GPR108: variants seen among roughly 807,000 people sequenced by gnomAD.
The protein encoded by GPR108 is G protein-coupled receptor 108.
A neutral mutation model predicts 74.3 loss-of-function variants in GPR108; 60 were observed. The observed-to-expected ratio is 0.81, with a 90% CI of 0.66 to 1.00. GPR108 has a LOEUF of 1.00. GPR108 is among the 50% of genes least tolerant of loss of function. The pLI is 0.00. For missense variants in GPR108, 667 were observed against 703.3 expected, an observed-to-expected ratio of 0.95 and a Z score of 0.58; for synonymous variants, 311 against 292.4, an observed-to-expected ratio of 1.06 and a Z score of -0.65.
rs772952950 is a variant in GPR108 at position 6,731,298 on chromosome 19, C to G, written c.1351-16G>C. ...AGCAGATGACCTGCAGGGGCGCGAG[C>G]AGGCGTGGGGCCAGGACTGTAGGGG... On this transcript the variant is annotated splice_polypyrimidine_tract_variant and intron_variant, in intron 15 of 17. Coordinates refer to ENST00000264080, the MANE Select transcript of GPR108 (RefSeq NM_001080452.2). The G allele has an allele frequency of 1.3e-6, 2 of 1,541,514 alleles. No individual in the cohort carries two copies. The highest frequency in any genetic ancestry group is 2.7e-5 in the African/African-American group (2 of 72,842).
At position 6,734,228 on chromosome 19, in the gene GPR108, C is replaced by T. The variant is rs745989346; in HGVS notation, c.454G>A (p.Gly152Arg). The change falls in exon 5 of 18, where the codon GGG (glycine) becomes AGG (arginine). Residue 152 changes from glycine to arginine, a missense_variant. By Grantham distance (125) the Gly-to-Arg change is moderately radical (BLOSUM62 -2). Coordinates refer to ENST00000264080, the MANE Select transcript of GPR108 (RefSeq NM_001080452.2). ...ACTGTGGCCTGTGGCTTCGGGAGCC[C>T]TGGTTTGGAGGGTGCTTCCGGGAGG... ...GLLPEAPSKP[G>R]LPKPQATVPR... 24 of 1,614,192 alleles carry T rather than the reference C, an allele frequency of 1.5e-5. No individual in the cohort carries two copies. The highest frequency in any genetic ancestry group is 1.9e-5 in the Non-Finnish European group (23 of 1,180,038).
intron 4 of GPR108, among the ~76,000 whole-genome samples, chr19:6,734,675 G>A (rs1252581634): frequency 6.6e-6 from 1 of 152,082 alleles, no homozygotes; most frequent in African/African-American, 2.4e-5. Flanking sequence ...AGGAGCAGAT[G>A]GAACCACAGG....
chr19:6,733,074 G>A lies in GPR108; in HGVS notation c.858-12C>T, dbSNP rs1385431700. 63 of 1,613,718 alleles carry A rather than the reference G, an allele frequency of 3.9e-5. No homozygotes were observed. Among genetic ancestry groups the A allele is most frequent in the Non-Finnish European group, 5.3e-5 (62 of 1,179,930 alleles). On this transcript the variant is annotated splice_polypyrimidine_tract_variant and intron_variant, in intron 9 of 17. Coordinates refer to ENST00000264080, the MANE Select transcript of GPR108 (RefSeq NM_001080452.2). ...TGAAGACGCTGTACCTGGTGGGAGG[G>A]TCAGGGAGAGATGGGGGTGCGGGGC...
chr19:6,733,968 G>T, intron 6 of GPR108, 37 bp downstream of exon 6: 1 of 1,614,142 alleles, frequency 6.2e-7, no homozygotes, highest in Admixed American at 1.7e-5. Context: ...AGGGCCCTGG[G>T]GTGTGCATCT....
intron 12 of GPR108, 50 bp from the exon 13 acceptor site, chr19:6,732,205 G>A: frequency 6.2e-7 from 1 of 1,612,138 alleles, no homozygotes; most frequent in Non-Finnish European, 8.5e-7. Context: ...GCTCCCCTTT[G>A]CCCCCACTGC....
chr19:6,734,648 C>T (rs1247157410), intron 4 of GPR108, among the ~76,000 whole-genome samples: 1 of 152,120 alleles, frequency 6.6e-6, no homozygotes, highest in Non-Finnish European at 1.5e-5. Context: ...ATCAGGCAAT[C>T]CTCCCACCTC....
At chr19:6,733,547 C>G in intron 8 of GPR108, 23 bp downstream of exon 8, 1 of 1,605,708 alleles carries the variant, frequency 6.2e-7, no homozygotes, top group Non-Finnish European at 8.5e-7. Context: ...CTCCCTGGCC[C>G]TGCTGCCCTC....
rs1221292627 is a variant in GPR108, at chr19:6,733,331, A to C, written c.724-30T>G. ...GGAGGGGGCAGTGGTGGGCGGCGGCAGGGGCACAGCCCGACCGCTGGCCTG... is the reference window on the plus strand; with the variant it reads ...GGAGGGGGCAGTGGTGGGCGGCGGCCGGGGCACAGCCCGACCGCTGGCCTG... On this transcript the variant is annotated intron_variant, in intron 8 of 17. Transcript: ENST00000264080. 4 of 1,606,372 alleles carry C rather than the reference A, an allele frequency of 2.5e-6. No individual in the cohort carries two copies. In the Admixed American group the frequency reaches 5.0e-5, roughly 20 times the overall value.
intron 17 of GPR108, 94 bp from the exon 18 acceptor site, chr19:6,730,478 C>A (rs1409410317): frequency 6.8e-6 from 7 of 1,026,670 alleles, no homozygotes; most frequent in Non-Finnish European, 1.1e-5. Flanking sequence ...CCACTCCCCC[C>A]AACCACAGCA....
chr19:6,733,815 G>A lies in GPR108; in HGVS notation c.618+30C>T, dbSNP rs141219905. ...TGGGGGTCCCGTGCTCTGGGGTGAC[G>A]GAAGGGCCGCAGGCGCTGCAAACAC... On this transcript the variant is annotated intron_variant, in intron 7 of 17. Coordinates refer to ENST00000264080, the MANE Select transcript of GPR108 (RefSeq NM_001080452.2). The A allele has an allele frequency of 2.5e-4, 409 of 1,612,784 alleles. 7 individuals carry two copies. The South Asian group carries it at 3.0e-3, about 12-fold the overall frequency.
Position 6,737,355 on chromosome 19 carries a change from C to T in GPR108, c.120+102G>A, listed in dbSNP as rs340136. 7.5e-3 allele frequency: 10,225 copies of T among 1,365,680 alleles called. 350 individuals are homozygous for T. In the African/African-American group the frequency reaches 0.091, roughly 12 times the overall value. 84.6% of individuals were successfully genotyped at this position (1,365,680 alleles called of 1,614,324 possible). A position where few individuals can be genotyped will look rare whatever the true frequency, so the allele number is the denominator to read the frequency against. On this transcript the variant is annotated intron_variant, in intron 1 of 17. Coordinates refer to ENST00000264080, the MANE Select transcript of GPR108 (RefSeq NM_001080452.2). ...CGGGGGGCGCCGGACCACTCCACCG[C>T]CTCGGGGACGGGGGAGGGCGGACGA...
At chr19:6,732,446 C>T (rs201879800) in intron 11 of GPR108, 30 bp downstream of exon 11, 3 of 1,612,260 alleles carry the variant, frequency 1.9e-6, no homozygotes, top group African/African-American at 1.3e-5. Flanking sequence ...TGCCTCCCCC[C>T]AGCTGCCCAG....
At chr19:6,732,636 T>C in intron 10 of GPR108, 87 bp from the exon 11 acceptor site, 1 of 1,012,886 alleles carries the variant, frequency 9.9e-7, no homozygotes, top group South Asian at 1.3e-5. Flanking sequence ...ACACGGACCG[T>C]CACCATCAGA....
At chr19:6,730,909 G>GGCCCC in intron 17 of GPR108, 78 bp downstream of exon 17, 5 of 662,532 alleles carry the variant, frequency 7.5e-6, no homozygotes, top group African/African-American at 2.3e-5. Flanking sequence ...CCTCCCCCCT[G>GGCCCC]CCCACCCTGC....
rs917727352 is a variant in GPR108, at chr19:6,732,176, G to A, written c.1126-21C>T. On this transcript the variant is annotated intron_variant, in intron 12 of 17. Transcript: ENST00000264080. ...AGGACCTGCGCAGGCGGCGGGGGTG[G>A]GTGGGCACTGCCTGGCACGCTCCCC... 3.1e-6 allele frequency: 5 copies of A among 1,612,946 alleles called. No homozygotes were observed. In the African/African-American group the frequency reaches 5.3e-5, roughly 17 times the overall value.
intron 9 of GPR108, 35 bp downstream of exon 9, chr19:6,733,133 G>A (rs1968489170): frequency 6.2e-7 from 1 of 1,613,754 alleles, no homozygotes. Context: ...GTCTGGTGAA[G>A]GGACGTGGGG....
At position 6,733,564 on chromosome 19, in the gene GPR108, G is replaced by A. The variant is rs199787886; in HGVS notation, c.723+6C>T. The A allele has an allele frequency of 1.7e-3, 2,815 of 1,612,594 alleles. 6 individuals carry two copies. Among genetic ancestry groups the A allele is most frequent in the Middle Eastern group, 6.4e-3 (39 of 6,060 alleles). ...CCCTGGCCCTGCTGCCCTCCACTCC[G>A]CTCACCGTGATGTCGAATGGATGCT... On this transcript the variant is annotated splice_donor_region_variant and intron_variant, in intron 8 of 17. Coordinates refer to ENST00000264080, the MANE Select transcript of GPR108 (RefSeq NM_001080452.2).
intron 10 of GPR108, 195 bp from the exon 11 acceptor site, chr19:6,732,744 T>C: frequency 1.5e-6 from 1 of 658,148 alleles, no homozygotes; most frequent in Non-Finnish European, 2.7e-6. Context: ...GCTGAAGGGG[T>C]GAATAGTTGG....
intron 1 of GPR108, 137 bp from the exon 2 acceptor site, chr19:6,736,848 A>T (rs1249420472): frequency 8.3e-7 from 1 of 1,210,662 alleles, no homozygotes; most frequent in African/African-American, 1.5e-5. Flanking sequence ...GACAAGAGAA[A>T]GTTGAGAGGG....
Sources: allele counts gnomAD v4.1 joint callset (sites outside exome capture counted in the v4.1 genomes callset), GRCh38; gene constraint gnomAD v4.1.1; transcripts MANE v1.5; gene names NCBI Gene and HGNC (gene_info 2026-07-23, HGNC 2026-07-21).